SLC25A21: variants seen among roughly 807,000 people sequenced by gnomAD.
SLC25A21 encodes mitochondrial 2-oxodicarboxylate carrier.
SLC25A21 carries 47 observed loss-of-function variants against 43.8 expected under a neutral mutation model. The ratio of observed to expected loss-of-function variants is 1.07; its 90% CI spans 0.85 to 1.37. The LOEUF is 1.37. SLC25A21 is among the 40% of genes most tolerant of loss of function. The pLI, the probability that SLC25A21 is intolerant of heterozygous loss-of-function variation, is 0.00. For synonymous variants in SLC25A21, 131 were observed against 121.3 expected, an observed-to-expected ratio of 1.08 and a Z score of -0.52; for missense variants, 352 against 350.2, an observed-to-expected ratio of 1.00 and a Z score of -0.04.
chr14:37,165,461 T>C (rs1245225473), intron 1 of SLC25A21, among the ~76,000 whole-genome samples: 1 of 152,116 alleles, frequency 6.6e-6, no homozygotes, highest in Non-Finnish European at 1.5e-5. Context: ...AAGTCAGTCT[T>C]GCCAGGATGG....
At chr14:36,761,798 T>A (rs1002586222) in intron 3 of SLC25A21, among the ~76,000 whole-genome samples, 1 of 152,220 alleles carries the variant, frequency 6.6e-6, no homozygotes, top group South Asian at 2.1e-4. Context: ...TATTGACGTA[T>A]AACAGATTGG....
intron 1 of SLC25A21, among the ~76,000 whole-genome samples, chr14:36,915,719 T>G (rs1217327878): frequency 1.3e-5 from 2 of 152,270 alleles, no homozygotes; most frequent in East Asian, 3.9e-4. Flanking sequence ...GCAATAGATT[T>G]GCTGTGATCC....
At chr14:37,051,871 G>T (rs190536856) in intron 1 of SLC25A21, among the ~76,000 whole-genome samples, 1 of 152,300 alleles carries the variant, frequency 6.6e-6, no homozygotes, top group East Asian at 1.9e-4. Context: ...CTTCCTATTG[G>T]TTGAACTTAA....
intron 9 of SLC25A21, among the ~76,000 whole-genome samples, chr14:36,681,236 A>AATC (rs1314490783): frequency 1.3e-5 from 2 of 152,222 alleles, no homozygotes; most frequent in African/African-American, 4.8e-5. Flanking sequence ...ATATTTAAAA[A>AATC]ATCTGCATTG....
intron 1 of SLC25A21, among the ~76,000 whole-genome samples, chr14:36,972,483 G>A (rs531421244): frequency 2.0e-5 from 3 of 152,076 alleles, no homozygotes; most frequent in Non-Finnish European, 4.4e-5. Context: ...TAAACATAAC[G>A]AACTTTAGTG....
chr14:36,859,910 T>C (rs933526448), intron 2 of SLC25A21, among the ~76,000 whole-genome samples: 1 of 152,138 alleles, frequency 6.6e-6, no homozygotes, highest in African/African-American at 2.4e-5. Context: ...TTAAATGACA[T>C]TTATTCAATC....
At chr14:37,115,488 T>G (rs1963091279) in intron 1 of SLC25A21, among the ~76,000 whole-genome samples, 1 of 152,214 alleles carries the variant, frequency 6.6e-6, no homozygotes, top group African/African-American at 2.4e-5. Flanking sequence ...GAGAAAACTC[T>G]AATTTTTTAA....
chr14:36,931,877 A>G (rs146923055), intron 1 of SLC25A21, among the ~76,000 whole-genome samples: 4 of 152,312 alleles, frequency 2.6e-5, no homozygotes, highest in African/African-American at 4.8e-5. Context: ...AAATTAAATT[A>G]ATTTCCAACG....
intron 1 of SLC25A21, among the ~76,000 whole-genome samples, chr14:36,937,123 G>T (rs1049868334): frequency 6.6e-6 from 1 of 152,190 alleles, no homozygotes; most frequent in African/African-American, 2.4e-5. Flanking sequence ...GCCTGTTGCT[G>T]AAAAAACCCT....
intron 2 of SLC25A21, among the ~76,000 whole-genome samples, chr14:36,840,155 C>A (rs1889339769): frequency 6.6e-6 from 1 of 151,982 alleles, no homozygotes; most frequent in Non-Finnish European, 1.5e-5. Context: ...CTTTGATAGG[C>A]TTCATTATCA....
chr14:36,713,451 G>A (rs1883980141), intron 6 of SLC25A21, among the ~76,000 whole-genome samples: 2 of 152,058 alleles, frequency 1.3e-5, no homozygotes, highest in South Asian at 2.1e-4. Context: ...GGTGCTGTGT[G>A]TGTATAAGCA....
chr14:36,954,750 A>G (rs1416752918), intron 1 of SLC25A21, among the ~76,000 whole-genome samples: 3 of 152,114 alleles, frequency 2.0e-5, no homozygotes, highest in African/African-American at 7.2e-5. Context: ...GAGCCATTCC[A>G]TTATTTTCTG....
At chr14:37,051,281 G>C (rs891613317) in intron 1 of SLC25A21, among the ~76,000 whole-genome samples, 1 of 152,174 alleles carries the variant, frequency 6.6e-6, no homozygotes, top group African/African-American at 2.4e-5. Context: ...AGAAGGGGCA[G>C]AAGGAATATT....
intron 3 of SLC25A21, among the ~76,000 whole-genome samples, chr14:36,765,130 T>C (rs1009773538): frequency 6.6e-6 from 1 of 152,258 alleles, no homozygotes; most frequent in Non-Finnish European, 1.5e-5. Context: ...TCCAGCTCCA[T>C]ATTTTGAAAT....
intron 3 of SLC25A21, among the ~76,000 whole-genome samples, chr14:36,799,022 A>G (rs546791071): frequency 2.6e-5 from 4 of 152,252 alleles, no homozygotes; most frequent in Non-Finnish European, 5.9e-5. Flanking sequence ...AGGACAAGAG[A>G]GCTAAAGGCA....
intron 2 of SLC25A21, among the ~76,000 whole-genome samples, chr14:36,874,473 C>T (rs1850738376): frequency 6.6e-6 from 1 of 152,120 alleles, no homozygotes. Flanking sequence ...CCATATTATG[C>T]CCCTGCAGTT....
At chr14:37,147,634 G>T (rs1218421179) in intron 1 of SLC25A21, among the ~76,000 whole-genome samples, 1 of 125,536 alleles carries the variant, frequency 8.0e-6, no homozygotes, top group African/African-American at 3.3e-5. Context: ...CTTATTTCAG[G>T]TTTTTTTTTT....
chr14:36,695,474 G>A lies in SLC25A21; in HGVS notation c.604-10549C>T, dbSNP rs191947808. 2.2e-3 allele frequency among the ~76,000 whole-genome samples: 341 copies of A among 152,258 alleles called. 1 individual carries two copies. The highest frequency in any genetic ancestry group is 3.6e-3 in the Non-Finnish European group (247 of 68,004). On this transcript the variant is annotated intron_variant, in intron 7 of 9. Coordinates refer to ENST00000331299, the MANE Select transcript of SLC25A21 (RefSeq NM_030631.4). Reference sequence around the variant, plus strand: ...AAGTCATCGGTAGCTTGATGGGGATGGCATTGAATCTATAAATTACTTTGG... The same window carrying A: ...AAGTCATCGGTAGCTTGATGGGGATAGCATTGAATCTATAAATTACTTTGG...
chr14:36,887,576 G>A (rs865999841), intron 1 of SLC25A21, among the ~76,000 whole-genome samples: 3,035 of 135,210 alleles, frequency 0.022, 108 homozygotes, highest in African/African-American at 0.076. Flanking sequence ...AAAAAAAAAA[G>A]GAAAAAAATT....
Sources: allele counts gnomAD v4.1 joint callset (sites outside exome capture counted in the v4.1 genomes callset), GRCh38; gene constraint gnomAD v4.1.1; transcripts MANE v1.5; gene names NCBI Gene and HGNC (gene_info 2026-07-23, HGNC 2026-07-21).